Variants in ICE2 observed in about 807,000 individuals in gnomAD.
The protein encoded by ICE2 is interactor of little elongation complex ELL subunit 2.
A neutral mutation model predicts 105.4 loss-of-function variants in ICE2; 87 were observed. That is an observed-to-expected ratio of 0.83 (90% CI 0.69 to 0.99). ICE2 has a LOEUF of 0.99. ICE2 is among the 50% of genes least tolerant of loss of function. The probability of loss-of-function intolerance (pLI) is 0.00; values close to 1 mark genes in which losing one functional copy is unlikely to be tolerated. For missense variants in ICE2, 1,323 were observed against 1,146.7 expected (o/e 1.15, Z -2.22); for synonymous variants, 399 against 392.0 (o/e 1.02, Z -0.21).
chr15:60,468,214 A>C lies in ICE2; in HGVS notation c.255T>G (p.Val85=). 1 of 1,614,084 alleles carries C rather than the reference A, an allele frequency of 6.2e-7. No homozygotes were observed. The highest frequency in any genetic ancestry group is 8.5e-7 in the Non-Finnish European group (1 of 1,179,958). Residue 85 remains valine, a synonymous_variant, in exon 4 of 16, where the codon GTT becomes GTG. Coordinates refer to ENST00000261520, the MANE Select transcript of ICE2 (RefSeq NM_024611.6). The stretch of plus-strand genomic sequence containing the variant: ...AAGGAACTCTTGGTTTTGGAAGAAG[A>C]ACCATTCCAATTGTGGTTTTAACTT... The part of the protein sequence containing the change: ...KEKVKTTIGM[V]LLPKPRVPYP...
chr15:60,423,602 T>G lies in ICE2; in HGVS notation c.*32A>C. 6.3e-7 allele frequency: 1 copy of G among 1,575,908 alleles called. No homozygotes were observed. The highest frequency in any genetic ancestry group is 8.6e-7 in the Non-Finnish European group (1 of 1,164,262). ...CTAAATTAAACACTGTTATAACTGT[T>G]TTTTTAAATTTAGTTTTCCATGGTA... is the stretch of plus-strand genomic sequence containing the variant. On this transcript the variant is annotated 3_prime_UTR_variant, in exon 16 of 16. Transcript: ENST00000261520.
intron 15 of ICE2, among the ~76,000 whole-genome samples, chr15:60,425,803 A>G (rs1028387306): frequency 1.3e-5 from 2 of 152,190 alleles, no homozygotes; most frequent in African/African-American, 4.8e-5. Context: ...TGCTAAAACT[A>G]GAATCCATAT....
rs2064029683 is a variant in ICE2 at position 60,453,861 on chromosome 15, T to C, written c.944-77A>G. 5 of 1,129,440 alleles carry C rather than the reference T, an allele frequency of 4.4e-6. No homozygotes were observed. In the East Asian group the frequency reaches 9.4e-5, roughly 21 times the overall value. The allele number at this position is 1,129,440 out of a possible 1,614,324, so 70.0% of individuals were successfully genotyped here. A position where few individuals can be genotyped will look rare whatever the true frequency, so the allele number is the denominator to read the frequency against. Reference sequence around the variant, plus strand: ...TTTTTTAAAAACAGGATGTATGACATGAGGATCACCAAACAAAGAGACACA... The same window carrying C: ...TTTTTTAAAAACAGGATGTATGACACGAGGATCACCAAACAAAGAGACACA... On this transcript the variant is annotated intron_variant, in intron 8 of 15. Coordinates refer to ENST00000261520, the MANE Select transcript of ICE2 (RefSeq NM_024611.6).
chr15:60,478,852 C>T, intron 1 of ICE2, 151 bp downstream of exon 1: 1 of 413,960 alleles, frequency 2.4e-6, no homozygotes. Context: ...AAAGGGCAAG[C>T]AAAGCAGGGG....
Position 60,454,982 on chromosome 15 carries a change from T to G in ICE2, c.943+21A>C, listed in dbSNP as rs755994232. On this transcript the variant is annotated intron_variant, in intron 8 of 15. Coordinates refer to ENST00000261520, the MANE Select transcript of ICE2 (RefSeq NM_024611.6). Reference sequence around the variant, plus strand: ...AACTTCTCTTTTTTGAGAGCATTATTTGACATAGCAAATTACAAACCTGCA... The same window carrying G: ...AACTTCTCTTTTTTGAGAGCATTATGTGACATAGCAAATTACAAACCTGCA... The G allele has an allele frequency of 1.2e-5, 19 of 1,527,330 alleles. No homozygotes were observed. In the South Asian group the frequency reaches 2.1e-4, roughly 17 times the overall value. The allele number at this position is 1,527,330 out of a possible 1,614,324, so 94.6% of individuals were successfully genotyped here. A position where few individuals can be genotyped will look rare whatever the true frequency, so the allele number is the denominator to read the frequency against.
At chr15:60,436,120 C>A in intron 13 of ICE2, 23 bp downstream of exon 13, 1 of 1,023,906 alleles carries the variant, frequency 9.8e-7, no homozygotes, top group Non-Finnish European at 1.4e-6. Flanking sequence ...TTTCAATTCT[C>A]ACCACAAAGT....
rs564559866 is a variant in ICE2, at chr15:60,424,214, A to T, written c.2821-452T>A. Reference sequence around the variant, plus strand: ...AATTACATGGACAAACAAGAAAGATAATAAGAAGGGTAGGGAAGATAAGGA... The same window carrying T: ...AATTACATGGACAAACAAGAAAGATTATAAGAAGGGTAGGGAAGATAAGGA... On this transcript the variant is annotated intron_variant, in intron 15 of 15. Transcript: ENST00000261520. 2.6e-5 allele frequency among the ~76,000 whole-genome samples: 4 copies of T among 152,192 alleles called. No homozygotes were observed. In the East Asian group the frequency reaches 7.7e-4, roughly 29 times the overall value.
At position 60,430,459 on chromosome 15, in the gene ICE2, A is replaced by AATTTGTT. The variant is rs2063431806; in HGVS notation, c.2561+1474_2561+1475insAACAAAT. On this transcript the variant is annotated intron_variant, in intron 14 of 15. Transcript: ENST00000261520. ...TGTTGTTTTATAATCTTAATTTGTTACAGCCACAATATAAAGCTAACACAC... is the reference window on the plus strand; with the variant it reads ...TGTTGTTTTATAATCTTAATTTGTTAATTTGTTCAGCCACAATATAAAGCTAACACAC... Among the ~76,000 whole-genome samples, 82 of 90,346 alleles carry AATTTGTT rather than the reference A, an allele frequency of 9.1e-4. No individual in the cohort carries two copies. The Admixed American group carries it at 9.8e-3, about 11-fold the overall frequency. 59.3% of individuals were successfully genotyped at this position (90,346 alleles called of 152,430 possible). A position where few individuals can be genotyped will look rare whatever the true frequency, so the allele number is the denominator to read the frequency against.
Position 60,449,791 on chromosome 15 carries a change from C to A in ICE2, c.1176G>T (p.Leu392Phe), listed in dbSNP as rs755454922. Residue 392 changes from leucine (L) to phenylalanine (F), a missense_variant, in exon 10 of 16, where the codon TTG (leucine) becomes TTT (phenylalanine). By Grantham distance (22) the Leu-to-Phe change is conservative. Coordinates refer to ENST00000261520, the MANE Select transcript of ICE2 (RefSeq NM_024611.6). The stretch of plus-strand genomic sequence containing the variant: ...TGACATCATCATCAAAATCCAAATA[C>A]AAGTTTTCAAGACTCTCAATTTTTC... Reference protein sequence around the residue: ...ECRKIESLENLYLDFDDDVTE... With the variant: ...ECRKIESLENFYLDFDDDVTE... 2 of 1,613,754 alleles carry A rather than the reference C, an allele frequency of 1.2e-6. No individual in the cohort carries two copies. The highest frequency in any genetic ancestry group is 2.7e-5 in the African/African-American group (2 of 74,878).
rs71122858 is a variant in ICE2 at position 60,434,520 on chromosome 15, T to TACACACAC, written c.2510+1615_2510+1622dup. Among the ~76,000 whole-genome samples the TACACACAC allele has an allele frequency of 2.6e-3, 374 of 144,912 alleles. 1 individual carries two copies. The highest frequency in any genetic ancestry group is 7.2e-3 in the Middle Eastern group (2 of 276). Reference sequence around the variant, plus strand: ...AATGGATGAATGAATAAAATGTGATTACACACACACACACACACACACACA... The same window carrying TACACACAC: ...AATGGATGAATGAATAAAATGTGATTACACACACACACACACACACACACACACACACA... On this transcript the variant is annotated intron_variant, in intron 13 of 15. Transcript: ENST00000261520.
intron 11 of ICE2, 189 bp downstream of exon 11, chr15:60,447,781 C>A (rs878863228): frequency 1.3e-4 from 63 of 472,866 alleles, no homozygotes. Flanking sequence ...TTTATGGCTA[C>A]TATATACAAA....
chr15:60,448,167 T>A (rs764166314), intron 10 of ICE2, 22 bp from the exon 11 acceptor site: 12 of 1,510,568 alleles, frequency 7.9e-6, no homozygotes, highest in Non-Finnish European at 1.0e-5. Flanking sequence ...GTATTTCTCA[T>A]TTTTAAAATA....
chr15:60,449,297 C>A lies in ICE2; in HGVS notation c.1670G>T (p.Gly557Val), dbSNP rs757162829. The A allele has an allele frequency of 5.4e-5, 87 of 1,613,012 alleles. No homozygotes were observed. In the Admixed American group the frequency reaches 1.4e-3, roughly 26 times the overall value. ...NLDNSKEKTVGSEAAKTEDTV... is the reference protein window; with the variant it reads ...NLDNSKEKTVVSEAAKTEDTV... ...ATCTTCAGTTTTTGCTGCTTCTGAT[C>A]CAACAGTCTTTTCCTTTGAGTTGTC... Residue 557 changes from glycine to valine, a missense_variant, in exon 10 of 16, where the codon GGA becomes GTA. Coordinates refer to ENST00000261520, the MANE Select transcript of ICE2 (RefSeq NM_024611.6).
Position 60,449,148 on chromosome 15 carries a change from T to G in ICE2, c.1819A>C (p.Asn607His). ...ACAGAAGCCTGTCCTGAGGAAGAATTTGGACTAGCTGGTCTGGAACTTAAG... is the reference window on the plus strand; with the variant it reads ...ACAGAAGCCTGTCCTGAGGAAGAATGTGGACTAGCTGGTCTGGAACTTAAG... ...SNLSSRPASPNSSSGQASVGN... is the reference protein window; with the variant it reads ...SNLSSRPASPHSSSGQASVGN... The change falls in exon 10 of 16, where the codon AAT (asparagine) becomes CAT (histidine). Residue 607 changes from asparagine to histidine, a missense_variant. Coordinates refer to ENST00000261520, the MANE Select transcript of ICE2 (RefSeq NM_024611.6). The G allele has an allele frequency of 6.2e-7, 1 of 1,614,078 alleles. No homozygotes were observed. Among genetic ancestry groups the G allele is most frequent in the South Asian group, 1.1e-5 (1 of 91,078 alleles).
chr15:60,478,307 G>C (rs1461680131), intron 1 of ICE2, among the ~76,000 whole-genome samples: 1 of 152,194 alleles, frequency 6.6e-6, no homozygotes. Context: ...GGAAATAAGA[G>C]CTGAAACAGA....
At chr15:60,461,110 G>T (rs577781568) in intron 5 of ICE2, among the ~76,000 whole-genome samples, 1 of 151,852 alleles carries the variant, frequency 6.6e-6, no homozygotes, top group African/African-American at 2.4e-5. Context: ...GGGTGGGGTG[G>T]GGGGGCGAGT....
intron 14 of ICE2, among the ~76,000 whole-genome samples, chr15:60,431,038 A>C (rs1051457347): frequency 6.6e-6 from 1 of 151,852 alleles, no homozygotes; most frequent in East Asian, 1.9e-4. Context: ...AACCCAGCTA[A>C]TTTTTTTGTA....
chr15:60,437,067 A>G (rs2063610059), intron 12 of ICE2, among the ~76,000 whole-genome samples: 1 of 151,962 alleles, frequency 6.6e-6, no homozygotes, highest in Non-Finnish European at 1.5e-5. Context: ...AGCCTGGCCA[A>G]CATGGTGAAA....
Position 60,419,707 on chromosome 15 carries a change from A to G in ICE2, c.*3927T>C, listed in dbSNP as rs1317510714. 1 of 144,418 alleles carries G rather than the reference A, an allele frequency of 6.9e-6. No homozygotes were observed. Among genetic ancestry groups the G allele is most frequent in the Non-Finnish European group, 1.5e-5 (1 of 65,222 alleles). 8.9% of individuals were successfully genotyped at this position (144,418 alleles called of 1,614,324 possible). A position where few individuals can be genotyped will look rare whatever the true frequency, so the allele number is the denominator to read the frequency against. On this transcript the variant is annotated 3_prime_UTR_variant, in exon 16 of 16. Coordinates refer to ENST00000261520, the MANE Select transcript of ICE2 (RefSeq NM_024611.6). ...TTAAGGTTTGATTAAAAACTACTAC[A>G]TACCAAACAAAAAAACAGAACAAAA...
Sources: allele counts gnomAD v4.1 joint callset (sites outside exome capture counted in the v4.1 genomes callset), GRCh38; gene constraint gnomAD v4.1.1; transcripts MANE v1.5; gene names NCBI Gene and HGNC (gene_info 2026-07-23, HGNC 2026-07-21).